The following CNOT4 variants were observed in gnomAD, a reference collection of about 807,000 sequenced individuals.
CNOT4 encodes the protein CCR4-associated factor 4.
A neutral mutation model predicts 73.8 loss-of-function variants in CNOT4; 8 were observed. The ratio of observed to expected loss-of-function variants is 0.11; its 90% CI spans 0.06 to 0.20. The LOEUF is 0.20. Among genes scored for constraint, CNOT4 ranks in the 10% least tolerant of loss-of-function variants. The probability of loss-of-function intolerance (pLI) is 1.00; values close to 1 mark genes in which losing one functional copy is unlikely to be tolerated. For synonymous variants in CNOT4, 293 were observed against 321.1 expected (o/e 0.91, Z 0.94); for missense variants, 564 against 883.4 (o/e 0.64, Z 4.58).
At chr7:135,485,487 G>A (rs1010697127) in intron 1 of CNOT4, among the ~76,000 whole-genome samples, 6 of 152,190 alleles carry the variant, frequency 3.9e-5, no homozygotes, top group Non-Finnish European at 8.8e-5. Context: ...TATGCCTCCC[G>A]ATATTAAGGA....
At chr7:135,422,099 C>T in intron 3 of CNOT4, 57 bp downstream of exon 3, 2 of 1,002,948 alleles carry the variant, frequency 2.0e-6, no homozygotes, top group South Asian at 2.6e-5. Flanking sequence ...ATATTATTTC[C>T]AAGTAAGACA....
intron 10 of CNOT4, among the ~76,000 whole-genome samples, chr7:135,393,049 C>CT (rs1208429290): frequency 1.3e-5 from 2 of 152,136 alleles, no homozygotes; most frequent in Non-Finnish European, 2.9e-5. Context: ...AATCATGATT[C>CT]TATTTCACTT....
At chr7:135,453,199 A>G (rs1800285943) in intron 1 of CNOT4, among the ~76,000 whole-genome samples, 1 of 152,178 alleles carries the variant, frequency 6.6e-6, no homozygotes. Context: ...ACAGTATACC[A>G]CTAGTAATGG....
chr7:135,504,924 G>C (rs1036730073), intron 1 of CNOT4, among the ~76,000 whole-genome samples: 2 of 151,980 alleles, frequency 1.3e-5, no homozygotes, highest in Non-Finnish European at 2.9e-5. Context: ...CACCGTGCCC[G>C]GTCACATCTA....
intron 7 of CNOT4, among the ~76,000 whole-genome samples, chr7:135,399,150 T>A (rs551985259): frequency 1.3e-3 from 198 of 152,148 alleles, no homozygotes; most frequent in Middle Eastern, 6.8e-3. Context: ...TAACTAACTT[T>A]ATTTAACTCA....
chr7:135,411,894 G>T (rs1797606776), intron 6 of CNOT4, among the ~76,000 whole-genome samples: 2 of 151,594 alleles, frequency 1.3e-5, no homozygotes, highest in South Asian at 2.1e-4. Context: ...ACTAAATTTT[G>T]AGTTACGCAG....
In CNOT4 at chr7:135,387,615, G is replaced by A. The variant is rs1796188186; in HGVS notation, c.1627+6303C>T. On this transcript the variant is annotated intron_variant, in intron 10 of 11. Transcript: ENST00000541284. ...ATAATGGTTAAAATCTCAAGAGGAG[G>A]TGTGACTTTCCCTTTCTTCCCAGAT... 5 of 980,514 alleles carry A rather than the reference G, an allele frequency of 5.1e-6. No homozygotes were observed. In the South Asian group the frequency reaches 2.4e-4, roughly 46 times the overall value. The allele number at this position is 980,514 out of a possible 1,614,324, so 60.7% of individuals were successfully genotyped here.
In CNOT4 at chr7:135,422,213, G is replaced by A. The variant is rs769577153; in HGVS notation, c.315C>T (p.Val105=). The change falls in exon 3 of 12, where the codon GTC becomes GTT. Residue 105 remains valine, a synonymous_variant. Transcript: ENST00000541284. ...ENRKHLASVR[V]VQKNLVFVVG... ...CAACAAAGACGAGGTTTTTTTGTAC[G>A]ACACGTACACTAGCCAAATGTTTGC... The A allele has an allele frequency of 1.7e-5, 27 of 1,611,516 alleles. No homozygotes were observed. The African/African-American group carries it at 2.3e-4, about 14-fold the overall frequency.
At chr7:135,427,698 A>G (rs1798582479) in intron 2 of CNOT4, among the ~76,000 whole-genome samples, 2 of 152,228 alleles carry the variant, frequency 1.3e-5, no homozygotes, top group South Asian at 4.1e-4. Flanking sequence ...TTAGGGTTCT[A>G]GTTTCCAGTA....
intron 1 of CNOT4, among the ~76,000 whole-genome samples, chr7:135,504,579 C>G (rs1352610541): frequency 8.9e-6 from 1 of 112,492 alleles, no homozygotes; most frequent in Non-Finnish European, 1.8e-5. Flanking sequence ...CTCCGCCTCC[C>G]GGGTTCACGC....
chr7:135,473,807 T>C (rs984670799), intron 1 of CNOT4, among the ~76,000 whole-genome samples: 4 of 152,046 alleles, frequency 2.6e-5, no homozygotes, highest in Non-Finnish European at 5.9e-5. Context: ...CATTTACACA[T>C]GGTGACTGTC....
chr7:135,366,803 C>G (rs1794942141), intron 10 of CNOT4, among the ~76,000 whole-genome samples: 1 of 152,158 alleles, frequency 6.6e-6, no homozygotes, highest in Non-Finnish European at 1.5e-5. Context: ...ATGCCAAGTG[C>G]TGGCACAAAG....
intron 10 of CNOT4, among the ~76,000 whole-genome samples, chr7:135,367,212 C>T (rs1038743173): frequency 6.6e-6 from 1 of 152,090 alleles, no homozygotes; most frequent in Non-Finnish European, 1.5e-5. Context: ...CAAAGGAAGT[C>T]GATTCCTTTG....
chr7:135,398,909 T>A (rs1295550198), intron 7 of CNOT4, among the ~76,000 whole-genome samples: 2 of 152,086 alleles, frequency 1.3e-5, no homozygotes, highest in African/African-American at 2.4e-5. Flanking sequence ...TCTTTTAATA[T>A]TTCTATATAC....
intron 1 of CNOT4, among the ~76,000 whole-genome samples, chr7:135,497,977 C>T (rs1019628742): frequency 6.6e-6 from 1 of 152,204 alleles, no homozygotes; most frequent in Non-Finnish European, 1.5e-5. Flanking sequence ...GACAAAGCGA[C>T]GATGTGCCAA....
intron 1 of CNOT4, among the ~76,000 whole-genome samples, chr7:135,449,550 A>T (rs1244350250): frequency 6.6e-6 from 1 of 152,214 alleles, no homozygotes; most frequent in Non-Finnish European, 1.5e-5. Flanking sequence ...AGAACCATAA[A>T]GGAAGCCATA....
intron 10 of CNOT4, among the ~76,000 whole-genome samples, chr7:135,365,113 C>T (rs889163861): frequency 3.3e-5 from 5 of 152,332 alleles, no homozygotes; most frequent in African/African-American, 1.2e-4. Context: ...ATCTATGCTG[C>T]TTAGCAAAAT....
At chr7:135,385,603 G>T (rs527773244) in intron 10 of CNOT4, among the ~76,000 whole-genome samples, 18 of 152,290 alleles carry the variant, frequency 1.2e-4, no homozygotes, top group African/African-American at 4.3e-4. Flanking sequence ...TCACACACAC[G>T]TAGAATAATG....
intron 10 of CNOT4, among the ~76,000 whole-genome samples, chr7:135,371,518 C>T (rs1433905484): frequency 1.3e-5 from 2 of 152,128 alleles, no homozygotes; most frequent in African/African-American, 4.8e-5. Context: ...CAGGGACACA[C>T]AGGCCACAGG....
Sources: gnomAD v4.1 joint callset for allele counts (sites outside exome capture counted in the v4.1 genomes callset) on GRCh38, gnomAD v4.1.1 for gene constraint, MANE v1.5 for transcripts, NCBI Gene and HGNC (gene_info 2026-07-23, HGNC 2026-07-21) for gene names.